Variants in TMEM87A observed in about 807,000 individuals in gnomAD.
TMEM87A encodes the protein transmembrane protein 87A, also known as Golgi-pH regulating cation channel.
Under a neutral mutation model 90.0 loss-of-function variants are expected in TMEM87A, and 50 were observed. The observed-to-expected ratio is 0.56, with a 90% CI of 0.44 to 0.70. TMEM87A has a LOEUF of 0.70. Among genes scored for constraint, TMEM87A ranks in the 30% least tolerant of loss-of-function variants. The pLI is 0.00. For synonymous variants in TMEM87A, 226 were observed against 226.7 expected, an observed-to-expected ratio of 1.00 and a Z score of 0.03; for missense variants, 577 against 660.5, an observed-to-expected ratio of 0.87 and a Z score of 1.39.
At chr15:42,268,728 A>G (rs1353916108) in intron 2 of TMEM87A, among the ~76,000 whole-genome samples, 1 of 152,194 alleles carries the variant, frequency 6.6e-6, no homozygotes, top group East Asian at 1.9e-4. Flanking sequence ...GTATAATGGC[A>G]CACTGTTAGG....
intron 15 of TMEM87A, among the ~76,000 whole-genome samples, chr15:42,225,249 T>G (rs1042525494): frequency 6.6e-6 from 1 of 151,866 alleles, no homozygotes; most frequent in South Asian, 2.1e-4. Context: ...CCCTTTTCCT[T>G]CTTTGGTGGT....
At chr15:42,231,868 T>C (rs750267620) in intron 11 of TMEM87A, 6 of 1,278,122 alleles carry the variant, frequency 4.7e-6, no homozygotes, top group Non-Finnish European at 6.1e-6. Flanking sequence ...AGGCGTCAAT[T>C]GCTGAGAGGG....
chr15:42,232,008 T>TTATG, intron 11 of TMEM87A: 2 of 598,372 alleles, frequency 3.3e-6, no homozygotes, highest in Non-Finnish European at 4.5e-6. Context: ...CAGTGTGATT[T>TTATG]GAAAAGCAAA....
chr15:42,260,845 G>T, intron 6 of TMEM87A, 113 bp downstream of exon 6: 2 of 1,195,602 alleles, frequency 1.7e-6, no homozygotes, highest in Non-Finnish European at 2.4e-6. Flanking sequence ...ATAGCTTCCA[G>T]ATTTAACTTT....
At position 42,264,099 on chromosome 15, in the gene TMEM87A, A is replaced by G. The variant is rs1367704883; in HGVS notation, c.396T>C (p.Phe132=). 1.2e-6 allele frequency: 2 copies of G among 1,611,612 alleles called. No individual in the cohort carries two copies. Among genetic ancestry groups the G allele is most frequent in the Non-Finnish European group, 1.7e-6 (2 of 1,178,614 alleles). The change falls in exon 4 of 20, where the codon TTT becomes TTC. Residue 132 remains phenylalanine (F), a synonymous_variant. Coordinates refer to ENST00000389834, the MANE Select transcript of TMEM87A (RefSeq NM_015497.5). ...SKLFQNCSEL[F]KTQTFSGDFM... is the part of the protein sequence containing the mutation. ...CACTTTCAAAGATTACCTGTGTTTT[A>G]AAGAGTTCACTGCAGTTCTGGAACA...
intron 17 of TMEM87A, 29 bp from the exon 18 acceptor site, chr15:42,218,407 T>C: frequency 6.2e-7 from 1 of 1,608,064 alleles, no homozygotes; most frequent in Non-Finnish European, 8.5e-7. Context: ...CACTCATTAC[T>C]AAAATGCACC....
At chr15:42,266,769 C>A (rs1313556348) in intron 3 of TMEM87A, among the ~76,000 whole-genome samples, 1 of 152,024 alleles carries the variant, frequency 6.6e-6, no homozygotes, top group Non-Finnish European at 1.5e-5. Flanking sequence ...GAGTACCTGA[C>A]TTTTTAAATA....
chr15:42,246,816 G>C (rs1336264265), intron 6 of TMEM87A, among the ~76,000 whole-genome samples: 2 of 152,150 alleles, frequency 1.3e-5, no homozygotes, highest in Non-Finnish European at 2.9e-5. Flanking sequence ...CCCAGTAATG[G>C]GATGGCTGGG....
chr15:42,267,549 T>G (rs1029487703), intron 3 of TMEM87A, among the ~76,000 whole-genome samples: 1 of 152,242 alleles, frequency 6.6e-6, no homozygotes, highest in Non-Finnish European at 1.5e-5. Flanking sequence ...GATCTTCTGT[T>G]ATGCCAGATA....
At position 42,260,997 on chromosome 15, in the gene TMEM87A, C is replaced by G; in HGVS notation, c.465G>C (p.Lys155Asn). The stretch of plus-strand genomic sequence containing the variant: ...TAAAGGTAAGGTTTGTTCCATTCTC[C>G]TTAGCCTTTAAACATTAAAAAAATA... ...LPLLGEKQEA[K>N]ENGTNLTFIG... Residue 155 changes from lysine to asparagine, a missense_variant, in exon 6 of 20, where the codon AAG becomes AAC. Lys to Asn is a moderately conservative substitution (Grantham distance 94, BLOSUM62 0). Transcript: ENST00000389834. 6.3e-7 allele frequency: 1 copy of G among 1,576,922 alleles called. No individual in the cohort carries two copies. The highest frequency in any genetic ancestry group is 8.6e-7 in the Non-Finnish European group (1 of 1,167,528).
chr15:42,234,460 T>C (rs761334213), intron 10 of TMEM87A, among the ~76,000 whole-genome samples: 19 of 152,208 alleles, frequency 1.2e-4, no homozygotes, highest in Non-Finnish European at 2.1e-4. Flanking sequence ...CCCATTCATC[T>C]TGGAAACCTA....
rs2050715320 is a variant in TMEM87A, at chr15:42,233,194, G to A, written c.1062+19C>T. The A allele has an allele frequency of 1.9e-6, 3 of 1,585,496 alleles. No homozygotes were observed. The highest frequency in any genetic ancestry group is 2.6e-6 in the Non-Finnish European group (3 of 1,154,846). On this transcript the variant is annotated intron_variant, in intron 11 of 19. Coordinates refer to ENST00000389834, the MANE Select transcript of TMEM87A (RefSeq NM_015497.5). ...TATAATTGAACTGACCACAGAAAAT[G>A]AGATTAAGCAGTACTAACCCCAGTA... is the stretch of plus-strand genomic sequence containing the variant.
At chr15:42,241,681 G>A (rs8036187) in intron 7 of TMEM87A, among the ~76,000 whole-genome samples, 104,794 of 151,978 alleles carry the variant, frequency 0.69, 40,022 homozygotes, top group Non-Finnish European at 0.86. Context: ...AAAAAAAGAC[G>A]GGTATTTTTA....
At chr15:42,227,001 G>T (rs926886237) in intron 14 of TMEM87A, 92 bp from the exon 15 acceptor site, 3 of 1,211,488 alleles carry the variant, frequency 2.5e-6, no homozygotes, top group Middle Eastern at 4.4e-4. Flanking sequence ...TCACTTATTT[G>T]TTCATTCAAG....
Position 42,273,354 on chromosome 15 carries a change from C to A in TMEM87A, c.45G>T (p.Leu15=), listed in dbSNP as rs768540778. The change falls in exon 1 of 20, where the codon CTG becomes CTT. Residue 15 remains leucine, a synonymous_variant. Transcript: ENST00000389834. The part of the protein sequence containing the change: ...AWLQVLPVIL[L]LLGAHPSPLS... ...GTGGTGACGGGTGAGCTCCCAGAAG[C>A]AGAAGAATGACAGGCAACACCTGAA... 4 of 1,614,054 alleles carry A rather than the reference C, an allele frequency of 2.5e-6. No individual in the cohort carries two copies. The East Asian group carries it at 8.9e-5, about 36-fold the overall frequency.
chr15:42,261,219 G>A lies in TMEM87A; in HGVS notation c.436C>T (p.Pro146Ser), dbSNP rs1210194540. ...TFSGDFMHRL[P>S]LLGEKQEAKE... is the part of the protein sequence containing the mutation. ...ACCTCCTGTTTTTCTCCTAAAAGAG[G>A]CAGTCGATGCATAAAATCTCCAGAA... is the stretch of plus-strand genomic sequence containing the variant. Residue 146 changes from proline (P) to serine (S), a missense_variant, in exon 5 of 20, where the codon CCT (proline) becomes TCT (serine). Pro to Ser is a moderately conservative substitution (Grantham distance 74, BLOSUM62 -1). Transcript: ENST00000389834. 1 of 1,613,406 alleles carries A rather than the reference G, an allele frequency of 6.2e-7. No individual in the cohort carries two copies.
chr15:42,227,056 T>C (rs2050608907), intron 14 of TMEM87A, 147 bp from the exon 15 acceptor site: 1 of 693,338 alleles, frequency 1.4e-6, no homozygotes, highest in Non-Finnish European at 2.4e-6. Context: ...CTGTGGTAAG[T>C]GTGGGGAAAC....
chr15:42,251,385 A>G (rs1160951660), intron 6 of TMEM87A, among the ~76,000 whole-genome samples: 8 of 151,976 alleles, frequency 5.3e-5, no homozygotes, highest in Non-Finnish European at 1.2e-4. Flanking sequence ...GGTTTTATCT[A>G]CCTTTGGTCT....
At chr15:42,247,600 T>C (rs955130481) in intron 6 of TMEM87A, among the ~76,000 whole-genome samples, 2 of 152,228 alleles carry the variant, frequency 1.3e-5, no homozygotes, top group Admixed American at 6.5e-5. Flanking sequence ...TGGTTGTAAA[T>C]GTGTGGTGTT....
Sources: gnomAD v4.1 joint callset for allele counts (sites outside exome capture counted in the v4.1 genomes callset) on GRCh38, gnomAD v4.1.1 for gene constraint, MANE v1.5 for transcripts, NCBI Gene and HGNC (gene_info 2026-07-23, HGNC 2026-07-21) for gene names.